Variants in ARFGEF1 observed in about 807,000 individuals in gnomAD.
The protein encoded by ARFGEF1 is ARF guanine nucleotide exchange factor 1.
Under a neutral mutation model 231.0 loss-of-function variants are expected in ARFGEF1, and 42 were observed. The ratio of observed to expected loss-of-function variants is 0.18; its 90% CI spans 0.14 to 0.24. The LOEUF is 0.24. ARFGEF1 is among the 10% of genes least tolerant of loss of function. The pLI is 1.00. For synonymous variants in ARFGEF1, 710 were observed against 732.3 expected (o/e 0.97, Z 0.49); for missense variants, 1,345 against 2,192.0 (o/e 0.61, Z 7.72).
At position 67,292,863 on chromosome 8, in the gene ARFGEF1, C is replaced by T. The variant is rs79651155; in HGVS notation, c.640-740G>A. Among the ~76,000 whole-genome samples, 396 of 152,142 alleles carry T rather than the reference C, an allele frequency of 2.6e-3. 2 individuals carry two copies. The highest frequency in any genetic ancestry group is 0.014 in the Middle Eastern group (4 of 294). On this transcript the variant is annotated intron_variant, in intron 5 of 38. Transcript: ENST00000262215. ...AGAATGAGTCTCACAGAATTAATTT[C>T]CACCAAGATAAATCTTATACAGTAG...
intron 10 of ARFGEF1, among the ~76,000 whole-genome samples, chr8:67,269,881 C>T (rs920658448): frequency 2.0e-5 from 3 of 151,966 alleles, no homozygotes; most frequent in Admixed American, 6.5e-5. Context: ...GTTGAATTTG[C>T]TGTGCAAAAA....
At chr8:67,329,380 T>C (rs993267660) in intron 1 of ARFGEF1, among the ~76,000 whole-genome samples, 2 of 151,268 alleles carry the variant, frequency 1.3e-5, no homozygotes, top group African/African-American at 4.9e-5. Flanking sequence ...ATACAAAAAA[T>C]TAGTCAGGCG....
At chr8:67,182,854 G>A (rs1217497610) in intron 5 of ARFGEF1, among the ~76,000 whole-genome samples, 1 of 152,142 alleles carries the variant, frequency 6.6e-6, no homozygotes, top group Non-Finnish European at 1.5e-5. Flanking sequence ...AGTTGTGGGA[G>A]TTCTTTATTA....
chr8:67,305,070 A>T (rs1211732926), intron 1 of ARFGEF1, among the ~76,000 whole-genome samples: 1 of 152,226 alleles, frequency 6.6e-6, no homozygotes, highest in Non-Finnish European at 1.5e-5. Flanking sequence ...CTAGTTAAGT[A>T]AATTATACGC....
intron 8 of ARFGEF1, among the ~76,000 whole-genome samples, chr8:67,276,448 C>T (rs1805317417): frequency 6.6e-6 from 1 of 152,080 alleles, no homozygotes; most frequent in African/African-American, 2.4e-5. Context: ...TCCCTACTAC[C>T]TGTCACTGAC....
chr8:67,215,335 C>T (rs954535429), intron 33 of ARFGEF1, among the ~76,000 whole-genome samples: 2 of 151,950 alleles, frequency 1.3e-5, no homozygotes, highest in African/African-American at 2.4e-5. Flanking sequence ...CATCTTTTGC[C>T]GATGGGATGG....
chr8:67,297,156 ATT>A (rs1806272146), intron 4 of ARFGEF1, among the ~76,000 whole-genome samples: 1 of 152,152 alleles, frequency 6.6e-6, no homozygotes, highest in Admixed American at 6.6e-5. Flanking sequence ...CATTTAACTG[ATT>A]TGTTTCAACC....
At position 67,197,668 on chromosome 8, in the gene ARFGEF1, AC is replaced by A; in HGVS notation, c.*1265del. ...GGTGGGTTATACAGGTTTTGATTGC[AC>A]TGATGAAATAATTCAAAAACTTTAT... On this transcript the variant is annotated 3_prime_UTR_variant, in exon 39 of 39. Transcript: ENST00000262215. 1 of 985,858 alleles carries A rather than the reference AC, an allele frequency of 1.0e-6. No individual in the cohort carries two copies. The highest frequency in any genetic ancestry group is 4.7e-5 in the South Asian group (1 of 21,294). The allele number at this position is 985,858 out of a possible 1,614,324, so 61.1% of individuals were successfully genotyped here. A position where few individuals can be genotyped will look rare whatever the true frequency, so the allele number is the denominator to read the frequency against.
At chr8:67,301,488 A>T in intron 2 of ARFGEF1, 108 bp from the exon 3 acceptor site, 1 of 1,199,168 alleles carries the variant, frequency 8.3e-7, no homozygotes, top group South Asian at 1.7e-5. Context: ...TTGCTAAACC[A>T]GTCCTCTATC....
chr8:67,319,870 G>C (rs1315019686), intron 1 of ARFGEF1, among the ~76,000 whole-genome samples: 1 of 151,902 alleles, frequency 6.6e-6, no homozygotes, highest in Non-Finnish European at 1.5e-5. Flanking sequence ...ATTTTTTAAT[G>C]GGCAAAAGAC....
intron 22 of ARFGEF1, among the ~76,000 whole-genome samples, chr8:67,233,503 G>C (rs772122184): frequency 6.6e-6 from 1 of 151,880 alleles, no homozygotes; most frequent in Non-Finnish European, 1.5e-5. Context: ...AATCACCTTT[G>C]ATATCCTTCC....
chr8:67,327,493 G>C (rs559137170), intron 1 of ARFGEF1, among the ~76,000 whole-genome samples: 1 of 151,804 alleles, frequency 6.6e-6, no homozygotes, highest in Non-Finnish European at 1.5e-5. Context: ...TAATTTTTTG[G>C]ATTTTTACTA....
intron 5 of ARFGEF1, among the ~76,000 whole-genome samples, chr8:67,176,510 G>A (rs1275018382): frequency 1.3e-5 from 2 of 152,176 alleles, no homozygotes; most frequent in Non-Finnish European, 2.9e-5. Flanking sequence ...GACAGAATAA[G>A]CCTAATTCTA....
intron 19 of ARFGEF1, among the ~76,000 whole-genome samples, chr8:67,243,774 G>A (rs1037198624): frequency 1.3e-5 from 2 of 152,026 alleles, no homozygotes; most frequent in Non-Finnish European, 2.9e-5. Flanking sequence ...TAAATACCAG[G>A]GACCAATCCT....
At position 67,343,527 on chromosome 8, in the gene ARFGEF1, T is replaced by C; in HGVS notation, c.-240A>G. 1 of 1,173,884 alleles carries C rather than the reference T, an allele frequency of 8.5e-7. No individual in the cohort carries two copies. The highest frequency in any genetic ancestry group is 1.1e-6 in the Non-Finnish European group (1 of 949,034). The allele number at this position is 1,173,884 out of a possible 1,614,324, so 72.7% of individuals were successfully genotyped here. On this transcript the variant is annotated 5_prime_UTR_variant, in exon 1 of 39. Transcript: ENST00000262215. ...AGCCGTACCTCGAGGGCCGCGCCCG[T>C]CGGGCCTCCGCTTCTCCCGGCCCGG...
intron 34 of ARFGEF1, 114 bp from the exon 35 acceptor site, chr8:67,204,933 C>T: frequency 8.0e-7 from 1 of 1,247,798 alleles, no homozygotes; most frequent in East Asian, 2.5e-5. Flanking sequence ...ACATATCACA[C>T]TGAGAAGGAC....
intron 34 of ARFGEF1, among the ~76,000 whole-genome samples, chr8:67,207,504 A>G (rs1170562000): frequency 6.6e-6 from 1 of 152,224 alleles, no homozygotes; most frequent in Non-Finnish European, 1.5e-5. Flanking sequence ...TTTGATGACA[A>G]TATCTATTTG....
At chr8:67,215,222 G>T (rs1838885765) in intron 33 of ARFGEF1, among the ~76,000 whole-genome samples, 1 of 152,174 alleles carries the variant, frequency 6.6e-6, no homozygotes, top group Non-Finnish European at 1.5e-5. Context: ...TGCAGATGCG[G>T]ATGATCAGAT....
intron 7 of ARFGEF1, 63 bp from the exon 8 acceptor site, chr8:67,277,520 G>T: frequency 6.9e-7 from 1 of 1,451,948 alleles, no homozygotes. Context: ...TATTTAAAAA[G>T]CACAGAGTAT....
Sources: allele counts gnomAD v4.1 joint callset (sites outside exome capture counted in the v4.1 genomes callset), GRCh38; gene constraint gnomAD v4.1.1; transcripts MANE v1.5; gene names NCBI Gene and HGNC (gene_info 2026-07-23, HGNC 2026-07-21).